The following ADGRL4 variants were observed in gnomAD, a reference collection of about 807,000 sequenced individuals.
ADGRL4 encodes EGF, latrophilin and seven transmembrane domain containing 1.
In ADGRL4, 90 loss-of-function variants were observed where a neutral mutation model predicts 74.8. That is an observed-to-expected ratio of 1.20 (90% CI 1.02 to 1.43). The LOEUF (loss-of-function observed/expected upper bound fraction) is 1.43. ADGRL4 is among the 40% of genes most tolerant of loss of function. The pLI, the probability that ADGRL4 is intolerant of heterozygous loss-of-function variation, is 0.00. For missense variants in ADGRL4, 881 were observed against 814.3 expected, an observed-to-expected ratio of 1.08 and a Z score of -1.00; for synonymous variants, 311 against 279.2, an observed-to-expected ratio of 1.11 and a Z score of -1.14.
At position 78,920,256 on chromosome 1, in the gene ADGRL4, T is replaced by G. The variant is rs775356768; in HGVS notation, c.1388A>C (p.His463Pro). Residue 463 changes from histidine (H) to proline (P), a missense_variant, in exon 10 of 15, where the codon CAC becomes CCC. By Grantham distance (77) the His-to-Pro change is moderately conservative. Coordinates refer to ENST00000370742, the MANE Select transcript of ADGRL4 (RefSeq NM_022159.4). ...SEIQSTRTTI[H>P]KNLCCSLFLA... ...AAATAGGCTACAGCAAAGATTTTTG[T>G]GAATTGTTGTCCTGGTGCTTTGAAT... 6.2e-7 allele frequency: 1 copy of G among 1,612,038 alleles called. No homozygotes were observed. The highest frequency in any genetic ancestry group is 1.3e-5 in the African/African-American group (1 of 74,786).
intron 1 of ADGRL4, among the ~76,000 whole-genome samples, chr1:79,005,584 G>A (rs1650945997): frequency 6.6e-6 from 1 of 152,152 alleles, no homozygotes; most frequent in Admixed American, 6.5e-5. Context: ...CTGCCTGATT[G>A]TAAAGCAATT....
intron 2 of ADGRL4, among the ~76,000 whole-genome samples, chr1:78,996,172 C>T (rs182732557): frequency 2.0e-5 from 3 of 152,232 alleles, no homozygotes; most frequent in Non-Finnish European, 4.4e-5. Context: ...AAGGGATTGA[C>T]AGAAACTTTC....
chr1:78,955,542 T>C (rs1467021911), intron 2 of ADGRL4, among the ~76,000 whole-genome samples: 1 of 152,066 alleles, frequency 6.6e-6, no homozygotes, highest in African/African-American at 2.4e-5. Context: ...ATAGTACTTT[T>C]GTATTGCCTT....
rs528924346 is a variant in ADGRL4 at position 78,917,812 on chromosome 1, G to A, written c.1682+18C>T. 13 of 1,606,710 alleles carry A rather than the reference G, an allele frequency of 8.1e-6. No homozygotes were observed. Among genetic ancestry groups the A allele is most frequent in the Admixed American group, 5.0e-5 (3 of 59,648 alleles). ...TCAAAATCGTATTTCAAATGCTCAT[G>A]AAATCATTTTAACTTACACTTTGGT... On this transcript the variant is annotated intron_variant, in intron 11 of 14. Transcript: ENST00000370742.
intron 12 of ADGRL4, among the ~76,000 whole-genome samples, chr1:78,896,026 C>A (rs1648390341): frequency 6.6e-6 from 1 of 151,958 alleles, no homozygotes; most frequent in African/African-American, 2.4e-5. Flanking sequence ...GAGGACAACA[C>A]AGAGAAATAA....
At chr1:78,952,586 G>A (rs1206502423) in intron 2 of ADGRL4, among the ~76,000 whole-genome samples, 1 of 151,982 alleles carries the variant, frequency 6.6e-6, no homozygotes, top group African/African-American at 2.4e-5. Context: ...AATGAATCCA[G>A]AATGGATTCA....
chr1:78,919,913 C>A (rs926586076), intron 10 of ADGRL4, among the ~76,000 whole-genome samples: 1 of 151,818 alleles, frequency 6.6e-6, no homozygotes, highest in Non-Finnish European at 1.5e-5. Context: ...CAAAACAGAA[C>A]AACAAAAAAG....
chr1:78,899,925 CA>C lies in ADGRL4; in HGVS notation c.1750-6737del, dbSNP rs373235075. Among the ~76,000 whole-genome samples, 25 of 152,090 alleles carry C rather than the reference CA, an allele frequency of 1.6e-4. No individual in the cohort carries two copies. The East Asian group carries it at 2.1e-3, about 13-fold the overall frequency. On this transcript the variant is annotated intron_variant, in intron 12 of 14. Transcript: ENST00000370742. ...TGATTCCTGGAACCTGTGAATATGG[CA>C]AAAGGGATATTACAGATAGAATTAA...
At chr1:78,909,850 G>A (rs1213613767) in intron 12 of ADGRL4, among the ~76,000 whole-genome samples, 1 of 151,730 alleles carries the variant, frequency 6.6e-6, no homozygotes, top group African/African-American at 2.4e-5. Context: ...AAGATTCTCT[G>A]TGCAGTATTA....
At chr1:78,893,058 CA>C (rs10640737) in intron 13 of ADGRL4, 39 bp downstream of exon 13, 80,624 of 837,586 alleles carry the variant, frequency 0.096, 384 homozygotes, top group African/African-American at 0.14. Context: ...TTTTAATTAC[CA>C]AAAAAAAAAA....
chr1:78,975,869 G>C (rs1049686949), intron 2 of ADGRL4, among the ~76,000 whole-genome samples: 1 of 151,544 alleles, frequency 6.6e-6, no homozygotes, highest in Non-Finnish European at 1.5e-5. Context: ...TTTACCCTCT[G>C]AACAGAAACA....
At chr1:78,967,552 T>C (rs1349039107) in intron 2 of ADGRL4, among the ~76,000 whole-genome samples, 1 of 152,142 alleles carries the variant, frequency 6.6e-6, no homozygotes, top group Admixed American at 6.6e-5. Flanking sequence ...AAATGTAAAT[T>C]TTTGTTCAGG....
intron 12 of ADGRL4, among the ~76,000 whole-genome samples, chr1:78,900,145 G>A (rs1648487488): frequency 6.6e-6 from 1 of 152,130 alleles, no homozygotes; most frequent in Non-Finnish European, 1.5e-5. Flanking sequence ...CATGAGTCAG[G>A]GAAGGTGGGA....
At chr1:78,931,397 C>G (rs1649239507) in intron 7 of ADGRL4, among the ~76,000 whole-genome samples, 1 of 151,432 alleles carries the variant, frequency 6.6e-6, no homozygotes, top group South Asian at 2.1e-4. Context: ...ATTTCGTCAC[C>G]ACCAGTCCTG....
At chr1:78,958,660 T>C (rs1395666590) in intron 2 of ADGRL4, among the ~76,000 whole-genome samples, 1 of 152,132 alleles carries the variant, frequency 6.6e-6, no homozygotes, top group Non-Finnish European at 1.5e-5. Context: ...TGAGGTGAAA[T>C]CTATTTCTGG....
At chr1:78,919,815 A>T (rs1012542890) in intron 10 of ADGRL4, among the ~76,000 whole-genome samples, 2 of 151,966 alleles carry the variant, frequency 1.3e-5, no homozygotes, top group African/African-American at 2.4e-5. Context: ...ACAAACTGTG[A>T]CTGCATTTAT....
At chr1:78,969,707 GT>G (rs3063120) in intron 2 of ADGRL4, among the ~76,000 whole-genome samples, 25,117 of 143,884 alleles carry the variant, frequency 0.17, 2,193 homozygotes, top group East Asian at 0.34. Flanking sequence ...TGATTTGTGG[GT>G]TTTTTTTTTT....
At chr1:78,916,119 C>T (rs1393255284) in intron 12 of ADGRL4, among the ~76,000 whole-genome samples, 1 of 151,910 alleles carries the variant, frequency 6.6e-6, no homozygotes, top group Non-Finnish European at 1.5e-5. Flanking sequence ...TAAATAATTT[C>T]ATCTAAATTC....
At chr1:78,945,578 T>C (rs555487018) in intron 3 of ADGRL4, among the ~76,000 whole-genome samples, 67 of 152,296 alleles carry the variant, frequency 4.4e-4, no homozygotes, top group Admixed American at 3.1e-3. Context: ...AATCCAGTTC[T>C]CTAGGATCTG....
Sources: gnomAD v4.1 joint callset for allele counts (sites outside exome capture counted in the v4.1 genomes callset) on GRCh38, gnomAD v4.1.1 for gene constraint, MANE v1.5 for transcripts, NCBI Gene and HGNC (gene_info 2026-07-23, HGNC 2026-07-21) for gene names.